Variants in PCCA observed in about 807,000 individuals in gnomAD.
The protein encoded by PCCA is propionyl-CoA carboxylase subunit alpha, also known as propionyl-CoA carboxylase alpha chain, mitochondrial.
A neutral mutation model predicts 101.3 loss-of-function variants in PCCA; 74 were observed. The ratio of observed to expected loss-of-function variants is 0.73; its 90% CI spans 0.61 to 0.89. The LOEUF (loss-of-function observed/expected upper bound fraction) is 0.89, where lower values mean the gene tolerates loss of function less well. PCCA is among the 40% of genes least tolerant of loss of function. The pLI, the probability that PCCA is intolerant of heterozygous loss-of-function variation, is 0.00. For missense variants in PCCA, 891 were observed against 907.0 expected (o/e 0.98, Z 0.23); for synonymous variants, 294 against 313.6 (o/e 0.94, Z 0.66).
rs552646269 is a variant in PCCA at position 100,303,847 on chromosome 13, T to C, written c.1284+849T>C. Among the ~76,000 whole-genome samples the C allele has an allele frequency of 2.0e-5, 3 of 152,294 alleles. No homozygotes were observed. In the South Asian group the frequency reaches 6.2e-4, roughly 32 times the overall value. ...ACCCTTTCTGTGCTTGGAGACTCCA[T>C]GCTGTGTTCAAAGCCAGAAGGCAGA... is the stretch of plus-strand genomic sequence containing the variant. On this transcript the variant is annotated intron_variant, in intron 14 of 23. Transcript: ENST00000376285.
intron 21 of PCCA, among the ~76,000 whole-genome samples, chr13:100,452,501 C>T (rs1318687306): frequency 1.3e-5 from 2 of 152,218 alleles, no homozygotes; most frequent in Admixed American, 1.3e-4. Flanking sequence ...CTAAGAACAT[C>T]TGCCCCTACA....
chr13:100,499,549 A>G (rs190111099), intron 21 of PCCA, among the ~76,000 whole-genome samples: 1 of 152,340 alleles, frequency 6.6e-6, no homozygotes, highest in East Asian at 1.9e-4. Context: ...ACAGACTTTT[A>G]TGTTGGGACA....
intron 2 of PCCA, among the ~76,000 whole-genome samples, chr13:100,110,202 C>CT (rs1393217617): frequency 2.0e-5 from 3 of 152,178 alleles, no homozygotes; most frequent in African/African-American, 7.2e-5. Context: ...ATTTATAACT[C>CT]TAACTCTTCT....
chr13:100,276,213 C>CAAAA (rs59671834), intron 12 of PCCA, among the ~76,000 whole-genome samples: 2,775 of 101,108 alleles, frequency 0.027, 117 homozygotes, highest in Non-Finnish European at 0.037. Context: ...TTGTCTGTAC[C>CAAAA]AAAAAAAAAA....
At chr13:100,160,932 G>T (rs2054400588) in intron 6 of PCCA, 1 of 150,824 alleles carries the variant, frequency 6.6e-6, no homozygotes, top group African/African-American at 2.5e-5. Context: ...AGTTTCAAGA[G>T]AAACATATGT....
chr13:100,107,220 C>T (rs561207384), intron 2 of PCCA, among the ~76,000 whole-genome samples: 3 of 152,344 alleles, frequency 2.0e-5, no homozygotes, highest in Admixed American at 1.3e-4. Context: ...TTAATCATTA[C>T]TGAAAACGTT....
intron 10 of PCCA, among the ~76,000 whole-genome samples, chr13:100,265,306 G>A (rs1370154726): frequency 6.6e-6 from 1 of 152,120 alleles, no homozygotes; most frequent in East Asian, 1.9e-4. Flanking sequence ...TGTTTGATGT[G>A]AGGCAGGGTC....
intron 6 of PCCA, among the ~76,000 whole-genome samples, chr13:100,159,773 C>T (rs1045461750): frequency 5.3e-5 from 8 of 152,206 alleles, no homozygotes; most frequent in African/African-American, 1.9e-4. Flanking sequence ...CCATGCGTGG[C>T]TGGCTCTGCC....
chr13:100,521,019 G>A (rs2087243268), intron 22 of PCCA, among the ~76,000 whole-genome samples: 1 of 152,146 alleles, frequency 6.6e-6, no homozygotes, highest in Non-Finnish European at 1.5e-5. Context: ...GCGCTTTCAG[G>A]CAGCATGCTT....
intron 21 of PCCA, among the ~76,000 whole-genome samples, chr13:100,495,057 G>A (rs1593996670): frequency 6.6e-6 from 1 of 151,904 alleles, no homozygotes; most frequent in South Asian, 2.1e-4. Flanking sequence ...TTGCCCCCGG[G>A]CATATTCGGC....
At chr13:100,227,302 C>A (rs2060201033) in intron 7 of PCCA, among the ~76,000 whole-genome samples, 1 of 152,164 alleles carries the variant, frequency 6.6e-6, no homozygotes, top group East Asian at 1.9e-4. Flanking sequence ...AACTGCAAGG[C>A]TTGGTTACCC....
chr13:100,356,067 T>C (rs979770602), intron 18 of PCCA, among the ~76,000 whole-genome samples: 4 of 152,114 alleles, frequency 2.6e-5, no homozygotes, highest in Non-Finnish European at 5.9e-5. Context: ...TATGCACATG[T>C]AAAAGAATGA....
chr13:100,331,957 T>TTG (rs35369764), intron 17 of PCCA, among the ~76,000 whole-genome samples: 1 of 128,006 alleles, frequency 7.8e-6, no homozygotes, highest in African/African-American at 3.5e-5. Flanking sequence ...TTTTTTTTTT[T>TTG]GAGACAGAGT....
chr13:100,458,140 C>G (rs75202369), intron 21 of PCCA, among the ~76,000 whole-genome samples: 1,610 of 152,124 alleles, frequency 0.011, 24 homozygotes, highest in African/African-American at 0.037. Context: ...ACTTTCAATC[C>G]AAGCATAAGG....
At chr13:100,271,581 TAA>T (rs2063320463) in intron 11 of PCCA, among the ~76,000 whole-genome samples, 1 of 152,138 alleles carries the variant, frequency 6.6e-6, no homozygotes, top group Non-Finnish European at 1.5e-5. Flanking sequence ...CATTACAGAT[TAA>T]AAGAGTCTTA....
chr13:100,285,843 T>C (rs1211235943), intron 12 of PCCA, among the ~76,000 whole-genome samples: 1 of 152,148 alleles, frequency 6.6e-6, no homozygotes, highest in Non-Finnish European at 1.5e-5. Context: ...AGTTCATTTG[T>C]GGAGAATGGG....
intron 21 of PCCA, among the ~76,000 whole-genome samples, chr13:100,509,654 G>T (rs879475200): frequency 2.6e-5 from 4 of 152,146 alleles, no homozygotes; most frequent in African/African-American, 9.7e-5. Context: ...TCTCAAGTTG[G>T]AATAGTCAGA....
intron 18 of PCCA, among the ~76,000 whole-genome samples, chr13:100,363,565 T>G (rs1276338634): frequency 2.0e-5 from 3 of 152,228 alleles, no homozygotes; most frequent in Non-Finnish European, 4.4e-5. Flanking sequence ...TGCAAAGATT[T>G]GTATGCAGAA....
chr13:100,528,090 C>G (rs989965738), intron 23 of PCCA, among the ~76,000 whole-genome samples: 2 of 152,148 alleles, frequency 1.3e-5, no homozygotes, highest in Non-Finnish European at 2.9e-5. Context: ...TTAGGTGACA[C>G]AGCAGCAAAT....
Sources: allele counts gnomAD v4.1 joint callset (sites outside exome capture counted in the v4.1 genomes callset), GRCh38; gene constraint gnomAD v4.1.1; transcripts MANE v1.5; gene names NCBI Gene and HGNC (gene_info 2026-07-23, HGNC 2026-07-21).